IFT43: variants seen among roughly 807,000 people sequenced by gnomAD.
IFT43 encodes the protein intraflagellar transport protein 43 homolog.
In IFT43, 33 loss-of-function variants were observed where a neutral mutation model predicts 32.3. The ratio of observed to expected loss-of-function variants is 1.02; its 90% confidence interval spans 0.77 to 1.37. The LOEUF (loss-of-function observed/expected upper bound fraction) is 1.37. IFT43 is among the 40% of genes most tolerant of loss of function. The pLI, the probability that IFT43 is intolerant of heterozygous loss-of-function variation, is 0.00. For synonymous variants in IFT43, 93 were observed against 98.2 expected, an observed-to-expected ratio of 0.95 and a Z score of 0.31; for missense variants, 274 against 265.9, an observed-to-expected ratio of 1.03 and a Z score of -0.21.
intron 2 of IFT43, among the ~76,000 whole-genome samples, chr14:76,020,936 G>C (rs892999282): frequency 1.3e-5 from 2 of 152,128 alleles, no homozygotes; most frequent in African/African-American, 4.8e-5. Context: ...CTGCAAGCTG[G>C]GTAGACTGGC....
chr14:76,046,211 TGA>T (rs1022179067), intron 3 of IFT43, among the ~76,000 whole-genome samples: 2 of 151,710 alleles, frequency 1.3e-5, no homozygotes, highest in African/African-American at 4.8e-5. Context: ...TGGAAAAAAA[TGA>T]GAGGGCTACC....
At chr14:76,004,328 G>A (rs908973229) in intron 2 of IFT43, among the ~76,000 whole-genome samples, 1 of 152,042 alleles carries the variant, frequency 6.6e-6, no homozygotes, top group East Asian at 1.9e-4. Context: ...TGGAATTCCA[G>A]ATTGAGAGTT....
intron 2 of IFT43, among the ~76,000 whole-genome samples, chr14:75,999,227 T>TTATATATA (rs1162371057): frequency 4.2e-5 from 4 of 96,130 alleles, no homozygotes; most frequent in Non-Finnish European, 7.7e-5. Flanking sequence ...TAAATTCATT[T>TTATATATA]TATATATATA....
At chr14:76,048,253 C>A (rs1178800129) in intron 3 of IFT43, among the ~76,000 whole-genome samples, 1 of 152,144 alleles carries the variant, frequency 6.6e-6, no homozygotes, top group Non-Finnish European at 1.5e-5. Context: ...CCTCTGGGAC[C>A]CTCACAGAAT....
chr14:76,058,627 C>CTT lies in IFT43; in HGVS notation c.216-5_216-4dup, dbSNP rs59989662. On this transcript the variant is annotated splice_polypyrimidine_tract_variant and intron_variant, in intron 3 of 8. Coordinates refer to ENST00000314067, the MANE Select transcript of IFT43 (RefSeq NM_001102564.3). ...TGGGCTCTCAAAAACCTTGTCTTTT[C>CTT]TTTTTTTTTTTCAGGTTTAGGAGGA... is the stretch of plus-strand genomic sequence containing the variant. The CTT allele has an allele frequency of 1.3e-5, 18 of 1,424,546 alleles. No individual in the cohort carries two copies. The highest frequency in any genetic ancestry group is 5.7e-5 in the African/African-American group (4 of 70,134). The allele number at this position is 1,424,546 out of a possible 1,614,324, so 88.2% of individuals were successfully genotyped here. A position where few individuals can be genotyped will look rare whatever the true frequency, so the allele number is the denominator to read the frequency against.
At chr14:76,071,083 C>T (rs967287422) in intron 5 of IFT43, among the ~76,000 whole-genome samples, 21 of 152,076 alleles carry the variant, frequency 1.4e-4, no homozygotes, top group African/African-American at 5.1e-4. Flanking sequence ...TCTCAGTCTC[C>T]CTAACCTTTC....
At chr14:76,047,621 T>G (rs2036832711) in intron 3 of IFT43, among the ~76,000 whole-genome samples, 1 of 152,060 alleles carries the variant, frequency 6.6e-6, no homozygotes, top group Non-Finnish European at 1.5e-5. Context: ...GGAAGAGAGT[T>G]TGGGTCAACT....
chr14:76,074,933 C>T (rs889007344), intron 5 of IFT43, among the ~76,000 whole-genome samples: 4 of 152,190 alleles, frequency 2.6e-5, no homozygotes. Flanking sequence ...GAGGAGCAGT[C>T]AGCTATTTTG....
chr14:76,018,239 A>G (rs1010996101), intron 2 of IFT43, among the ~76,000 whole-genome samples: 9 of 148,278 alleles, frequency 6.1e-5, no homozygotes, highest in African/African-American at 2.0e-4. Flanking sequence ...AGGTTTTTGT[A>G]TGTTGTGTTT....
At chr14:76,034,350 C>T (rs1272332753) in intron 3 of IFT43, among the ~76,000 whole-genome samples, 2 of 152,164 alleles carry the variant, frequency 1.3e-5, no homozygotes, top group Non-Finnish European at 2.9e-5. Context: ...TTGTCCCCAT[C>T]ATGAGGGCTC....
intron 3 of IFT43, among the ~76,000 whole-genome samples, chr14:76,027,694 G>A (rs2036429457): frequency 7.2e-6 from 1 of 138,268 alleles, no homozygotes; most frequent in Admixed American, 7.7e-5. Context: ...GGGCAACAGA[G>A]TGAGACTGTC....
chr14:75,986,446 C>CAAAA (rs60299035), intron 1 of IFT43: 13 of 148,962 alleles, frequency 8.7e-5, no homozygotes, highest in South Asian at 1.9e-4. Flanking sequence ...TGCCTGGGTT[C>CAAAA]AAAAAAAAAA....
chr14:76,011,909 C>T (rs1361035462), intron 2 of IFT43, among the ~76,000 whole-genome samples: 1 of 152,108 alleles, frequency 6.6e-6, no homozygotes, highest in African/African-American at 2.4e-5. Flanking sequence ...TATGCACATA[C>T]CGTATTACTA....
At chr14:75,988,844 A>G (rs763214519) in intron 1 of IFT43, 41 bp from the exon 2 acceptor site, 2 of 1,612,954 alleles carry the variant, frequency 1.2e-6, no homozygotes. Flanking sequence ...AGTGGCCCAA[A>G]TGACATTTGG....
At chr14:76,059,442 T>A (rs369949266) in intron 5 of IFT43, 69 bp downstream of exon 5, 2 of 1,435,800 alleles carry the variant, frequency 1.4e-6, no homozygotes, top group East Asian at 4.5e-5. Context: ...GGGCTACAGC[T>A]AAGGCACTGT....
In IFT43 at chr14:76,039,685, T is replaced by C. The variant is rs572708804; in HGVS notation, c.215+17291T>C. On this transcript the variant is annotated intron_variant, in intron 3 of 8. Coordinates refer to ENST00000314067, the MANE Select transcript of IFT43 (RefSeq NM_001102564.3). ...TTTTAAATAAAAAAGAAACATAGTA[T>C]AGAATTCAAAAGATATGAAAGAGTG... Among the ~76,000 whole-genome samples, 16 of 152,314 alleles carry C rather than the reference T, an allele frequency of 1.1e-4. No homozygotes were observed. The South Asian group carries it at 3.1e-3, about 30-fold the overall frequency.
At chr14:76,016,712 C>T (rs189567869) in intron 2 of IFT43, among the ~76,000 whole-genome samples, 106 of 152,148 alleles carry the variant, frequency 7.0e-4, no homozygotes, top group Non-Finnish European at 1.0e-3. Flanking sequence ...TTGTTTATGT[C>T]TTCTTCAATT....
chr14:75,988,204 C>T (rs1024341786), intron 1 of IFT43, among the ~76,000 whole-genome samples: 6 of 151,972 alleles, frequency 3.9e-5, no homozygotes, highest in African/African-American at 1.5e-4. Flanking sequence ...CAGGGGGACC[C>T]CATATCTACA....
intron 5 of IFT43, among the ~76,000 whole-genome samples, chr14:76,072,592 C>T (rs1247158433): frequency 3.3e-5 from 5 of 152,238 alleles, no homozygotes; most frequent in East Asian, 3.9e-4. Flanking sequence ...GTCTTGTGCA[C>T]GCGTGCATGT....
Sources: gnomAD v4.1 joint callset for allele counts (sites outside exome capture counted in the v4.1 genomes callset) on GRCh38, gnomAD v4.1.1 for gene constraint, MANE v1.5 for transcripts, NCBI Gene and HGNC (gene_info 2026-07-23, HGNC 2026-07-21) for gene names.